The following HMGXB4 variants were observed in gnomAD, a reference collection of about 807,000 sequenced individuals.
HMGXB4 encodes the protein HMG domain-containing protein 4.
A neutral mutation model predicts 63.9 loss-of-function variants in HMGXB4; 27 were observed. That is an observed-to-expected ratio of 0.42 (90% CI 0.31 to 0.58). The LOEUF (loss-of-function observed/expected upper bound fraction) is 0.58, where lower values mean the gene tolerates loss of function less well. HMGXB4 is among the 20% of genes least tolerant of loss of function. The pLI is 0.13. For synonymous variants in HMGXB4, 264 were observed against 265.3 expected (o/e 0.99, Z 0.05); for missense variants, 624 against 700.7 (o/e 0.89, Z 1.24).
the HMGXB4 span, among the ~76,000 whole-genome samples, chr22:35,244,943 A>G: frequency 3.3e-5 from 5 of 152,324 alleles, no homozygotes; most frequent in Middle Eastern, 0.01. Flanking sequence ...CAGTTTCTTT[A>G]CAGCACTGGG....
intron 4 of HMGXB4, 36 bp from the exon 5 acceptor site, chr22:35,264,612 C>T: frequency 1.4e-6 from 2 of 1,443,396 alleles, no homozygotes; most frequent in South Asian, 1.4e-5. Flanking sequence ...AGTTGCTTCC[C>T]ATCATATTGA....
In HMGXB4 at chr22:35,281,201, G is replaced by C. The variant is rs549408862; in HGVS notation, c.1216-2761G>C. Among the ~76,000 whole-genome samples the C allele has an allele frequency of 2.0e-5, 3 of 152,268 alleles. No individual in the cohort carries two copies. The South Asian group carries it at 6.2e-4, about 32-fold the overall frequency. On this transcript the variant is annotated intron_variant, in intron 5 of 10. Transcript: ENST00000216106. ...ATTAGAAAAGCTATCCACTTCCCATGTGTTTTATTCAGGATCCAATAATTA... is the reference window on the plus strand; with the variant it reads ...ATTAGAAAAGCTATCCACTTCCCATCTGTTTTATTCAGGATCCAATAATTA...
intron 10 of HMGXB4, among the ~76,000 whole-genome samples, 196 bp downstream of exon 10, chr22:35,293,310 A>G (rs1457852743): frequency 6.6e-6 from 1 of 152,226 alleles, no homozygotes; most frequent in African/African-American, 2.4e-5. Flanking sequence ...CATTTACCAA[A>G]ACAGTACTTA....
chr22:35,281,039 G>A (rs2146429290), intron 5 of HMGXB4, among the ~76,000 whole-genome samples: 1 of 152,246 alleles, frequency 6.6e-6, no homozygotes, highest in East Asian at 1.9e-4. Context: ...CCAGTGTCTG[G>A]CACATATGGA....
At chr22:35,284,180 C>A in intron 6 of HMGXB4, 137 bp downstream of exon 6, 1 of 623,512 alleles carries the variant, frequency 1.6e-6, no homozygotes, top group Non-Finnish European at 2.8e-6. Flanking sequence ...TTAGATTTTG[C>A]CTTAGTTTAT....
At chr22:35,263,283 A>T in intron 3 of HMGXB4, 57 bp downstream of exon 3, 10 of 1,344,680 alleles carry the variant, frequency 7.4e-6, no homozygotes, top group Non-Finnish European at 1.0e-5. Context: ...TTTTTTGGTG[A>T]TGCAGAGTTT....
chr22:35,293,486 A>G, intron 10 of HMGXB4, 121 bp from the exon 11 acceptor site: 1 of 701,554 alleles, frequency 1.4e-6, no homozygotes. Context: ...TGCCGTCTTC[A>G]TTCTCACCTG....
At position 35,288,417 on chromosome 22, in the gene HMGXB4, A is replaced by G; in HGVS notation, c.1638+10A>G. The G allele has an allele frequency of 1.3e-6, 2 of 1,566,816 alleles. No individual in the cohort carries two copies. Among genetic ancestry groups the G allele is most frequent in the Non-Finnish European group, 8.7e-7 (1 of 1,155,032 alleles). ...TCTGCAGGAAACTGAGGTGAATACA[A>G]CTATCAGCAGCATGACTACAGTTTC... On this transcript the variant is annotated intron_variant, in intron 9 of 10. Transcript: ENST00000216106.
chr22:35,283,392 T>G (rs1189659097), intron 5 of HMGXB4, among the ~76,000 whole-genome samples: 1 of 152,178 alleles, frequency 6.6e-6, no homozygotes, highest in East Asian at 1.9e-4. Flanking sequence ...TGGGATTGTA[T>G]ATAGGGAGAA....
At chr22:35,274,739 T>C (rs1385274912) in intron 5 of HMGXB4, among the ~76,000 whole-genome samples, 1 of 152,250 alleles carries the variant, frequency 6.6e-6, no homozygotes, top group Non-Finnish European at 1.5e-5. Context: ...GTGTGACAGA[T>C]AGCAGAAGTA....
At chr22:35,260,108 G>C (rs1357160569) in intron 1 of HMGXB4, among the ~76,000 whole-genome samples, 2 of 152,332 alleles carry the variant, frequency 1.3e-5, no homozygotes, top group East Asian at 3.9e-4. Context: ...TTACCAAAGG[G>C]AAGGCCTGTT....
rs1484109282 is a variant in HMGXB4 at position 35,265,584 on chromosome 22, A to C, written c.1196A>C (p.Glu399Ala). 1 of 1,582,950 alleles carries C rather than the reference A, an allele frequency of 6.3e-7. No homozygotes were observed. The highest frequency in any genetic ancestry group is 8.6e-7 in the Non-Finnish European group (1 of 1,166,704). Reference sequence around the variant, plus strand: ...AAGAAAAAAGAAGAGAAGGACAAAGAGAGAGAGAGAGGAGAAAAGGTAAAG... The same window carrying C: ...AAGAAAAAAGAAGAGAAGGACAAAGCGAGAGAGAGAGGAGAAAAGGTAAAG... ...KKKKKEEKDK[E>A]RERGEKPKKK... The change falls in exon 5 of 11, where the codon GAG becomes GCG. Residue 399 changes from glutamate (E) to alanine (A), a missense_variant. This residue lies in a region of HMGXB4 where 472 missense variants were observed against 470.6 expected (regional missense o/e 1.00). Coordinates refer to ENST00000216106, the MANE Select transcript of HMGXB4 (RefSeq NM_001003681.3).
chr22:35,274,297 C>A (rs943196887), intron 5 of HMGXB4, among the ~76,000 whole-genome samples: 2 of 152,180 alleles, frequency 1.3e-5, no homozygotes, highest in African/African-American at 4.8e-5. Context: ...TCTGTGAAGT[C>A]CCTGAGACGC....
intron 5 of HMGXB4, among the ~76,000 whole-genome samples, chr22:35,272,170 G>A (rs1029098576): frequency 2.0e-5 from 3 of 152,166 alleles, no homozygotes; most frequent in African/African-American, 7.2e-5. Context: ...GGAAGAGGGG[G>A]CGGCTATGTT....
intron 8 of HMGXB4, 86 bp downstream of exon 8, chr22:35,287,538 A>G (rs770896697): frequency 8.2e-6 from 7 of 849,612 alleles, no homozygotes; most frequent in African/African-American, 1.7e-5. Flanking sequence ...AGCTTGCAGT[A>G]TTAGAAGTGG....
At chr22:35,271,721 G>A (rs563488154) in intron 5 of HMGXB4, among the ~76,000 whole-genome samples, 1 of 152,324 alleles carries the variant, frequency 6.6e-6, no homozygotes, top group Non-Finnish European at 1.5e-5. Flanking sequence ...GACAACGCTT[G>A]ATATTTTAAA....
the HMGXB4 span, among the ~76,000 whole-genome samples, chr22:35,242,170 C>T: frequency 6.6e-6 from 1 of 152,106 alleles, no homozygotes; most frequent in East Asian, 1.9e-4. Context: ...CTGGCAAAAT[C>T]ATCTGGGCAT....
the HMGXB4 span, among the ~76,000 whole-genome samples, chr22:35,252,071 C>T: frequency 2.0e-5 from 3 of 151,964 alleles, no homozygotes; most frequent in Admixed American, 6.6e-5. Flanking sequence ...AAAAATTAGC[C>T]GGGTGTGGTG....
rs56155162 is a variant in HMGXB4 at position 35,292,731 on chromosome 22, A to T, written c.1639-261A>T. 4.3e-3 allele frequency among the ~76,000 whole-genome samples: 651 copies of T among 152,324 alleles called. 6 individuals are homozygous for T. The highest frequency in any genetic ancestry group is 0.014 in the African/African-American group (602 of 41,566). On this transcript the variant is annotated intron_variant, in intron 9 of 10. Transcript: ENST00000216106. The stretch of plus-strand genomic sequence containing the variant: ...TTTACTGTTCCTGTTAAGGAGACAG[A>T]AGTTAAGGATGTGAACTCCCCAAGG...
Sources: allele counts gnomAD v4.1 joint callset (sites outside exome capture counted in the v4.1 genomes callset), GRCh38; gene constraint gnomAD v4.1.1; regional missense constraint gnomAD v4.1.1; transcripts MANE v1.5; gene names NCBI Gene and HGNC (gene_info 2026-07-23, HGNC 2026-07-21).